SLC4A4: variants seen among roughly 807,000 people sequenced by gnomAD.
SLC4A4 encodes solute carrier family 4 member 4.
SLC4A4 carries 27 observed loss-of-function variants against 111.5 expected under a neutral mutation model. That is an observed-to-expected ratio of 0.24 (90% CI 0.18 to 0.33). SLC4A4 has a LOEUF of 0.33. Among genes scored for constraint, SLC4A4 ranks in the 10% least tolerant of loss-of-function variants. SLC4A4 has a pLI of 1.00. For synonymous variants in SLC4A4, 443 were observed against 463.4 expected (o/e 0.96, Z 0.57); for missense variants, 909 against 1,315.5 (o/e 0.69, Z 4.78).
At chr4:71,517,013 C>T (rs1464926758) in intron 16 of SLC4A4, among the ~76,000 whole-genome samples, 1 of 152,142 alleles carries the variant, frequency 6.6e-6, no homozygotes, top group Non-Finnish European at 1.5e-5. Flanking sequence ...TTTTCTCTTG[C>T]TGCTTCAAGA....
At chr4:71,340,818 C>A (rs1028388762) in intron 4 of SLC4A4, among the ~76,000 whole-genome samples, 2 of 151,884 alleles carry the variant, frequency 1.3e-5, no homozygotes, top group Admixed American at 6.6e-5. Context: ...ATATAGTATA[C>A]AATGTATTTA....
At chr4:71,369,689 A>G (rs1380469216) in intron 6 of SLC4A4, among the ~76,000 whole-genome samples, 1 of 152,198 alleles carries the variant, frequency 6.6e-6, no homozygotes, top group Non-Finnish European at 1.5e-5. Flanking sequence ...AAAAATTTAG[A>G]GCTTGGTAAA....
intron 1 of SLC4A4, among the ~76,000 whole-genome samples, chr4:71,195,239 T>TG (rs200808533): frequency 0.082 from 12,219 of 148,366 alleles, 861 homozygotes; most frequent in Admixed American, 0.23. Flanking sequence ...AGTTTTTTTT[T>TG]TTTTTTTTTT....
intron 3 of SLC4A4, among the ~76,000 whole-genome samples, chr4:71,286,328 C>A (rs1723917400): frequency 6.6e-6 from 1 of 152,164 alleles, no homozygotes. Context: ...TCTAAAAGCA[C>A]TCCATGTGGA....
chr4:71,309,338 T>C (rs1725948601), intron 3 of SLC4A4, among the ~76,000 whole-genome samples: 1 of 152,332 alleles, frequency 6.6e-6, no homozygotes, highest in South Asian at 2.1e-4. Flanking sequence ...CAGTGGATCC[T>C]GACAAGGAGG....
intron 2 of SLC4A4, among the ~76,000 whole-genome samples, chr4:71,122,634 G>A (rs1446284900): frequency 6.6e-6 from 1 of 152,084 alleles, no homozygotes; most frequent in Non-Finnish European, 1.5e-5. Context: ...GACTGATTGT[G>A]TAACACTGAC....
At chr4:71,283,032 G>A (rs901371363) in intron 3 of SLC4A4, among the ~76,000 whole-genome samples, 70 of 152,142 alleles carry the variant, frequency 4.6e-4, no homozygotes, top group Non-Finnish European at 1.6e-4. Context: ...AATTTGATGA[G>A]TGAAATTTTA....
intron 8 of SLC4A4, among the ~76,000 whole-genome samples, chr4:71,445,255 T>C (rs1220818540): frequency 1.3e-5 from 2 of 152,196 alleles, no homozygotes; most frequent in East Asian, 3.9e-4. Context: ...CATTACTCTA[T>C]CAGCTATTGG....
At chr4:71,205,128 G>T (rs939207578) in intron 1 of SLC4A4, among the ~76,000 whole-genome samples, 1 of 152,092 alleles carries the variant, frequency 6.6e-6, no homozygotes, top group Non-Finnish European at 1.5e-5. Flanking sequence ...TGTTGCCAGC[G>T]TCAGAATATC....
chr4:71,238,954 T>C (rs1033716464), intron 2 of SLC4A4, among the ~76,000 whole-genome samples: 1 of 152,190 alleles, frequency 6.6e-6, no homozygotes, highest in Non-Finnish European at 1.5e-5. Flanking sequence ...TTAAGACCTC[T>C]AAGAAGTATT....
chr4:71,077,218 T>C (rs997882167), intron 1 of SLC4A4, among the ~76,000 whole-genome samples: 2 of 151,516 alleles, frequency 1.3e-5, no homozygotes, highest in Non-Finnish European at 2.9e-5. Context: ...TGGAGTGCAG[T>C]GGCGAGATCT....
At chr4:71,430,221 G>A (rs1723513745) in intron 7 of SLC4A4, among the ~76,000 whole-genome samples, 1 of 151,966 alleles carries the variant, frequency 6.6e-6, no homozygotes, top group African/African-American at 2.4e-5. Flanking sequence ...TTTCATTGCA[G>A]CATTACAGGG....
chr4:71,459,330 A>G (rs1206237504), intron 12 of SLC4A4, among the ~76,000 whole-genome samples: 1 of 152,120 alleles, frequency 6.6e-6, no homozygotes, highest in East Asian at 1.9e-4. Context: ...GAAAATTCCA[A>G]AAATCCAAAA....
chr4:71,438,353 G>C (rs1019540703), intron 7 of SLC4A4, among the ~76,000 whole-genome samples: 1 of 152,192 alleles, frequency 6.6e-6, no homozygotes, highest in Non-Finnish European at 1.5e-5. Context: ...GAAGAAGTTT[G>C]ACTATGTGAG....
At chr4:71,158,135 GTGTGTGTCTC>G (rs1296622201) in intron 2 of SLC4A4, among the ~76,000 whole-genome samples, 13 of 148,608 alleles carry the variant, frequency 8.7e-5, no homozygotes, top group East Asian at 5.9e-4. Context: ...GTGTGTGTGT[GTGTGTGTCTC>G]TCTCTCTCTC....
At chr4:71,444,347 A>G (rs1003497058) in intron 8 of SLC4A4, among the ~76,000 whole-genome samples, 11 of 152,226 alleles carry the variant, frequency 7.2e-5, no homozygotes, top group African/African-American at 2.7e-4. Context: ...GAAAAAACTC[A>G]GAAAAGTAGA....
chr4:71,451,848 C>T (rs951787376), intron 11 of SLC4A4, among the ~76,000 whole-genome samples: 1 of 152,128 alleles, frequency 6.6e-6, no homozygotes, highest in Non-Finnish European at 1.5e-5. Context: ...CACCTCTTGG[C>T]TTTCATAATT....
At chr4:71,558,179 G>A (rs1186897625) in intron 22 of SLC4A4, among the ~76,000 whole-genome samples, 3 of 151,856 alleles carry the variant, frequency 2.0e-5, no homozygotes, top group East Asian at 2.0e-4. Flanking sequence ...GTTTTTCTGA[G>A]CATCAAAAAT....
chr4:71,277,359 T>C (rs114913413), intron 3 of SLC4A4, among the ~76,000 whole-genome samples: 169 of 152,334 alleles, frequency 1.1e-3, no homozygotes, highest in African/African-American at 3.9e-3. Flanking sequence ...AGTGATAATC[T>C]TGTAGTCCTA....
Sources: allele counts gnomAD v4.1 joint callset (sites outside exome capture counted in the v4.1 genomes callset), GRCh38; gene constraint gnomAD v4.1.1; transcripts MANE v1.5; gene names NCBI Gene and HGNC (gene_info 2026-07-23, HGNC 2026-07-21).